CRB1: variants seen among roughly 807,000 people sequenced by gnomAD.
CRB1 encodes crumbs cell polarity complex component 1, also known as protein crumbs homolog 1.
In CRB1, 83 loss-of-function variants were observed where a neutral mutation model predicts 120.0. That is an observed-to-expected ratio of 0.69 (90% CI 0.58 to 0.83). The LOEUF is 0.83. Ranked by LOEUF, CRB1 falls within the 40% of genes least tolerant of loss-of-function variation. The probability of loss-of-function intolerance (pLI) is 0.00; values close to 1 mark genes in which losing one functional copy is unlikely to be tolerated. For missense variants in CRB1, 1,699 were observed against 1,687.6 expected, an observed-to-expected ratio of 1.01 and a Z score of -0.12; for synonymous variants, 625 against 612.5, an observed-to-expected ratio of 1.02 and a Z score of -0.30.
the CRB1 span, among the ~76,000 whole-genome samples, chr1:197,236,748 A>G: frequency 3.3e-5 from 5 of 152,070 alleles, no homozygotes; most frequent in African/African-American, 1.2e-4. Context: ...ACTTTTTTCA[A>G]AGGGTTTTTC....
chr1:197,275,483 CAT>C (rs1321201256), intron 1 of CRB1, among the ~76,000 whole-genome samples: 8 of 151,946 alleles, frequency 5.3e-5, no homozygotes, highest in East Asian at 3.9e-4. Flanking sequence ...CTTGTATTAA[CAT>C]GTGGTAGAAG....
At chr1:197,246,759 G>A in the CRB1 span, among the ~76,000 whole-genome samples, 2 of 152,040 alleles carry the variant, frequency 1.3e-5, no homozygotes, top group Admixed American at 6.6e-5. Context: ...AATGCACATA[G>A]TTACATTCAC....
At chr1:197,445,075 C>A (rs1294328457) in intron 11 of CRB1, among the ~76,000 whole-genome samples, 2 of 152,170 alleles carry the variant, frequency 1.3e-5, no homozygotes, top group Non-Finnish European at 2.9e-5. Flanking sequence ...AAGTTGATTA[C>A]AACCCTAATT....
At chr1:197,410,370 G>A (rs962835724) in intron 5 of CRB1, among the ~76,000 whole-genome samples, 1 of 152,158 alleles carries the variant, frequency 6.6e-6, no homozygotes, top group Non-Finnish European at 1.5e-5. Context: ...CTGCATAGTT[G>A]AGGTCACGTA....
Position 197,421,375 on chromosome 1 carries a change from C to T in CRB1, c.1547C>T (p.Thr516Ile), listed in dbSNP as rs749699128. The T allele has an allele frequency of 6.2e-7, 1 of 1,614,094 alleles. No individual in the cohort carries two copies. Among genetic ancestry groups the T allele is most frequent in the African/African-American group, 1.3e-5 (1 of 74,922 alleles). Residue 516 changes from threonine to isoleucine, a missense_variant, in exon 6 of 12, where the codon ACT becomes ATT. Thr to Ile is a moderately conservative substitution (Grantham distance 89, BLOSUM62 -1). Transcript: ENST00000367400. ...TGTAACATAGCCCTCAGGTTTCAGA[C>T]TGTTCAGCCAATGGCTCTTCTACTT... ...SVCNIALRFQ[T>I]VQPMALLLFR... is the part of the protein sequence containing the mutation.
rs79777887 is a variant in CRB1, at chr1:197,311,338, A to G, written c.71-17084A>G. 5.8e-3 allele frequency among the ~76,000 whole-genome samples: 890 copies of G among 152,340 alleles called. 11 individuals are homozygous for G. Among genetic ancestry groups the G allele is most frequent in the African/African-American group, 0.021 (855 of 41,566 alleles). ...ATTTCTATGTGGAATTTTAAAAGTCAAACCCATGGAACATAGAATAGAATG... is the reference window on the plus strand; with the variant it reads ...ATTTCTATGTGGAATTTTAAAAGTCGAACCCATGGAACATAGAATAGAATG... On this transcript the variant is annotated intron_variant, in intron 1 of 11. Transcript: ENST00000367400.
the CRB1 span, chr1:197,222,734 G>C: frequency 1.1e-6 from 1 of 880,674 alleles, no homozygotes; most frequent in Non-Finnish European, 2.0e-6. Context: ...CTCTGAGTAG[G>C]AACAATGGAG....
intron 10 of CRB1, 81 bp downstream of exon 10, chr1:197,438,756 ATTTTTTATC>A: frequency 6.5e-7 from 1 of 1,532,702 alleles, no homozygotes; most frequent in Admixed American, 1.7e-5. Context: ...TTCTCCTCTA[ATTTTTTATC>A]TCAGTTCCCA....
At chr1:197,324,944 G>C (rs1206593817) in intron 1 of CRB1, among the ~76,000 whole-genome samples, 7 of 152,178 alleles carry the variant, frequency 4.6e-5, no homozygotes, top group African/African-American at 1.7e-4. Context: ...TCTTAAAGGA[G>C]CCCATCTACT....
intron 5 of CRB1, chr1:197,363,964 G>T (rs879102584): frequency 4.5e-6 from 6 of 1,345,614 alleles, no homozygotes; most frequent in Non-Finnish European, 6.4e-6. Context: ...GAAGCCATGC[G>T]GCCGGCGACA....
chr1:197,304,133 G>A (rs1657033742), intron 1 of CRB1, among the ~76,000 whole-genome samples: 1 of 152,092 alleles, frequency 6.6e-6, no homozygotes, highest in Admixed American at 6.6e-5. Context: ...AATACTATTG[G>A]TGGATCAGAA....
At chr1:197,276,183 A>C (rs571699340) in intron 1 of CRB1, among the ~76,000 whole-genome samples, 1 of 151,958 alleles carries the variant, frequency 6.6e-6, no homozygotes, top group South Asian at 2.1e-4. Context: ...GGATTCAGTC[A>C]TGCTGTATCC....
At chr1:197,276,534 A>G (rs1297622203) in intron 1 of CRB1, among the ~76,000 whole-genome samples, 1 of 151,876 alleles carries the variant, frequency 6.6e-6, no homozygotes, top group Non-Finnish European at 1.5e-5. Context: ...AAGAGAGACA[A>G]AAACCAAATA....
At chr1:197,288,790 GA>G (rs1158445006) in intron 1 of CRB1, among the ~76,000 whole-genome samples, 1 of 151,286 alleles carries the variant, frequency 6.6e-6, no homozygotes, top group African/African-American at 2.4e-5. Flanking sequence ...AACATAAAGA[GA>G]AAAAAGGATT....
intron 5 of CRB1, among the ~76,000 whole-genome samples, chr1:197,410,377 C>G (rs989623982): frequency 6.6e-6 from 1 of 152,138 alleles, no homozygotes; most frequent in Non-Finnish European, 1.5e-5. Flanking sequence ...GTTGAGGTCA[C>G]GTACAGGGAC....
At chr1:197,447,689 A>T (rs986833114) in intron 11 of CRB1, among the ~76,000 whole-genome samples, 2 of 151,996 alleles carry the variant, frequency 1.3e-5, no homozygotes, top group African/African-American at 2.4e-5. Context: ...AAAAAAAAAG[A>T]AAAGAAAAAA....
intron 11 of CRB1, among the ~76,000 whole-genome samples, chr1:197,452,151 T>G (rs1022979753): frequency 6.6e-6 from 1 of 152,154 alleles, no homozygotes; most frequent in African/African-American, 2.4e-5. Context: ...TTATTTAGAC[T>G]CTACAAGTAT....
chr1:197,419,912 T>C (rs1664202836), intron 5 of CRB1, among the ~76,000 whole-genome samples: 1 of 151,358 alleles, frequency 6.6e-6, no homozygotes, highest in Non-Finnish European at 1.5e-5. Context: ...GAGGCAGAGC[T>C]TGCAGTGAGC....
intron 1 of CRB1, among the ~76,000 whole-genome samples, chr1:197,280,114 G>A (rs947997422): frequency 4.0e-5 from 6 of 151,580 alleles, no homozygotes; most frequent in African/African-American, 1.5e-4. Flanking sequence ...CATATCACAC[G>A]GTCAGAATTT....
Sources: gnomAD v4.1 joint callset for allele counts (sites outside exome capture counted in the v4.1 genomes callset) on GRCh38, gnomAD v4.1.1 for gene constraint, MANE v1.5 for transcripts, NCBI Gene and HGNC (gene_info 2026-07-23, HGNC 2026-07-21) for gene names.